Variants in CTNND2 observed in about 807,000 individuals in gnomAD.
CTNND2 encodes the protein catenin delta-2.
Under a neutral mutation model 144.4 loss-of-function variants are expected in CTNND2, and 22 were observed. The ratio of observed to expected loss-of-function variants is 0.15; its 90% CI spans 0.11 to 0.22. The LOEUF (loss-of-function observed/expected upper bound fraction) is 0.22, where lower values mean the gene tolerates loss of function less well. Among genes scored for constraint, CTNND2 ranks in the 10% least tolerant of loss-of-function variants. The pLI is 1.00. For missense variants in CTNND2, 1,353 were observed against 1,618.8 expected (o/e 0.84, Z 2.82); for synonymous variants, 751 against 695.6 (o/e 1.08, Z -1.25).
intron 2 of CTNND2, among the ~76,000 whole-genome samples, chr5:11,603,813 G>C (rs567073158): frequency 6.6e-6 from 1 of 152,074 alleles, no homozygotes. Context: ...GAAGGGCAAC[G>C]ACAGATGTGG....
intron 2 of CTNND2, among the ~76,000 whole-genome samples, chr5:11,602,703 T>C (rs1156958923): frequency 6.9e-6 from 1 of 143,898 alleles, no homozygotes; most frequent in African/African-American, 2.6e-5. Flanking sequence ...AGTATATATT[T>C]CATATATTAT....
chr5:11,606,926 T>G (rs759432978), intron 2 of CTNND2, among the ~76,000 whole-genome samples: 18 of 152,302 alleles, frequency 1.2e-4, no homozygotes, highest in Non-Finnish European at 2.5e-4. Flanking sequence ...TGATTATATT[T>G]GAAAATAAGG....
At chr5:11,102,970 A>ATTTTTTTTTTTTTTTTTTTTTTTTTT (rs778134907) in intron 14 of CTNND2, among the ~76,000 whole-genome samples, 1 of 84,080 alleles carries the variant, frequency 1.2e-5, no homozygotes, top group Non-Finnish European at 2.2e-5. Context: ...TATTTAAAAG[A>ATTTTTTTTTTTTTTTTTTTTTTTTTT]TTTTTTTTTT....
chr5:11,813,782 G>T (rs1176887707), intron 1 of CTNND2, among the ~76,000 whole-genome samples: 2 of 152,148 alleles, frequency 1.3e-5, no homozygotes, highest in Non-Finnish European at 2.9e-5. Context: ...CCAAAGCACT[G>T]GGATTAAAGG....
intron 2 of CTNND2, among the ~76,000 whole-genome samples, chr5:11,603,180 T>C (rs1219862635): frequency 6.6e-6 from 1 of 152,120 alleles, no homozygotes; most frequent in Non-Finnish European, 1.5e-5. Context: ...ATACTCATCA[T>C]TGGGATAGAA....
intron 2 of CTNND2, among the ~76,000 whole-genome samples, chr5:11,642,962 T>C (rs919947735): frequency 4.6e-5 from 7 of 152,158 alleles, no homozygotes; most frequent in Non-Finnish European, 8.8e-5. Flanking sequence ...TAGAAGTCTG[T>C]AGCGGTCCAG....
chr5:11,524,181 C>T lies in CTNND2; in HGVS notation c.287+40763G>A, dbSNP rs1318512243. 5.3e-5 allele frequency among the ~76,000 whole-genome samples: 8 copies of T among 152,274 alleles called. No homozygotes were observed. The East Asian group carries it at 1.4e-3, about 26-fold the overall frequency. On this transcript the variant is annotated intron_variant, in intron 3 of 21. Transcript: ENST00000304623. Reference sequence around the variant, plus strand: ...TCACTGCACCCCACACTTGCCCCACCTGTGACCTCCACCTTCCCACGTCCC... The same window carrying T: ...TCACTGCACCCCACACTTGCCCCACTTGTGACCTCCACCTTCCCACGTCCC...
intron 10 of CTNND2, among the ~76,000 whole-genome samples, chr5:11,231,711 G>A (rs932102163): frequency 3.9e-5 from 6 of 152,204 alleles, no homozygotes; most frequent in East Asian, 3.9e-4. Flanking sequence ...CTCATTTTCC[G>A]GGGATAAATT....
chr5:11,342,739 T>C (rs1379606467), intron 9 of CTNND2, among the ~76,000 whole-genome samples: 1 of 152,230 alleles, frequency 6.6e-6, no homozygotes, highest in Non-Finnish European at 1.5e-5. Flanking sequence ...GCTGTGTTTT[T>C]TTCCATTTGT....
intron 3 of CTNND2, among the ~76,000 whole-genome samples, chr5:11,516,980 A>G (rs32623): frequency 0.44 from 66,202 of 152,098 alleles, 15,162 homozygotes; most frequent in South Asian, 0.55. Flanking sequence ...TACTATATAA[A>G]TTGAATTCTG....
chr5:11,695,983 T>C (rs1401891747), intron 2 of CTNND2, among the ~76,000 whole-genome samples: 1 of 152,240 alleles, frequency 6.6e-6, no homozygotes, highest in Non-Finnish European at 1.5e-5. Flanking sequence ...CATTTGCCAC[T>C]TTTATTATAA....
chr5:11,334,066 T>C (rs755937815), intron 9 of CTNND2, among the ~76,000 whole-genome samples: 18 of 152,196 alleles, frequency 1.2e-4, no homozygotes, highest in Non-Finnish European at 2.4e-4. Flanking sequence ...TTTGAAAAAC[T>C]TGAAAATATT....
At chr5:11,135,890 T>C (rs543521265) in intron 12 of CTNND2, among the ~76,000 whole-genome samples, 1 of 152,364 alleles carries the variant, frequency 6.6e-6, no homozygotes, top group East Asian at 1.9e-4. Context: ...CTGGTTCATA[T>C]CATGGTGGTA....
chr5:10,990,571 A>G (rs1479970448), intron 19 of CTNND2, among the ~76,000 whole-genome samples: 2 of 152,138 alleles, frequency 1.3e-5, no homozygotes, highest in Non-Finnish European at 1.5e-5. Flanking sequence ...CTGCCACATA[A>G]TCATGAAGGG....
chr5:11,726,019 GT>G lies in CTNND2; in HGVS notation c.174+6116del, dbSNP rs1786998647. The stretch of plus-strand genomic sequence containing the variant: ...ATTTTACCCCAGGAGCCCCTGCTTT[GT>G]TGGCCTGCCAGTGGCCCTTTTCAGT... On this transcript the variant is annotated intron_variant, in intron 2 of 21. Coordinates refer to ENST00000304623, the MANE Select transcript of CTNND2 (RefSeq NM_001332.4). 2.0e-5 allele frequency among the ~76,000 whole-genome samples: 3 copies of G among 152,246 alleles called. No homozygotes were observed. The South Asian group carries it at 6.2e-4, about 32-fold the overall frequency.
intron 1 of CTNND2, among the ~76,000 whole-genome samples, chr5:11,895,375 G>T (rs942639315): frequency 6.6e-6 from 1 of 152,144 alleles, no homozygotes; most frequent in Non-Finnish European, 1.5e-5. Flanking sequence ...TGTATTTTAA[G>T]TCCATGGTCT....
intron 3 of CTNND2, among the ~76,000 whole-genome samples, chr5:11,502,027 C>CAAAAAA (rs547364682): frequency 1.7e-5 from 1 of 57,232 alleles, no homozygotes; most frequent in African/African-American, 4.5e-5. Flanking sequence ...GACTCCATCT[C>CAAAAAA]AAAAAAAAAA....
At chr5:11,818,004 T>TTTA (rs1554126308) in intron 1 of CTNND2, among the ~76,000 whole-genome samples, 1 of 93,282 alleles carries the variant, frequency 1.1e-5, no homozygotes, top group Non-Finnish European at 2.1e-5. Flanking sequence ...TTTTTTTTTT[T>TTTA]CAGTTCTCCT....
chr5:11,346,423 T>A lies in CTNND2; in HGVS notation c.1577A>T (p.Glu526Val). Reference protein sequence around the residue: ...YSKSGPALPPEGTLARSPSID... With the variant: ...YSKSGPALPPVGTLARSPSID... The stretch of plus-strand genomic sequence containing the variant: ...GGACGGGGACCTGGCCAAGGTGCCT[T>A]CAGGCGGGAGAGCAGGGCCGGATTT... Residue 526 changes from glutamate to valine, a missense_variant, in exon 9 of 22, where the codon GAA (glutamate) becomes GTA (valine). This residue lies in a region of CTNND2 where 708 missense variants were observed against 706.4 expected (regional missense o/e 1.00). Coordinates refer to ENST00000304623, the MANE Select transcript of CTNND2 (RefSeq NM_001332.4). 1 of 1,538,258 alleles carries A rather than the reference T, an allele frequency of 6.5e-7. No individual in the cohort carries two copies. Among genetic ancestry groups the A allele is most frequent in the Non-Finnish European group, 8.8e-7 (1 of 1,138,468 alleles).
Sources: gnomAD v4.1 joint callset for allele counts (sites outside exome capture counted in the v4.1 genomes callset) on GRCh38, gnomAD v4.1.1 for gene constraint, gnomAD v4.1.1 regional missense constraint, MANE v1.5 for transcripts, NCBI Gene and HGNC (gene_info 2026-07-23, HGNC 2026-07-21) for gene names.